The following KHDC1 variants were observed in gnomAD, a reference collection of about 807,000 sequenced individuals.
KHDC1 encodes KH homology domain-containing protein 1.
In KHDC1, 21 loss-of-function variants were observed where a neutral mutation model predicts 24.7. The ratio of observed to expected loss-of-function variants is 0.85; its 90% CI spans 0.60 to 1.23. The LOEUF (loss-of-function observed/expected upper bound fraction) is 1.23, where lower values mean the gene tolerates loss of function less well. Among genes scored for constraint, KHDC1 ranks in the 50% most tolerant of loss-of-function variants. The probability of loss-of-function intolerance (pLI) is 0.00; values close to 1 mark genes in which losing one functional copy is unlikely to be tolerated. For missense variants in KHDC1, 274 were observed against 298.5 expected (o/e 0.92, Z 0.61); for synonymous variants, 98 against 111.7 (o/e 0.88, Z 0.77).
intron 2 of KHDC1, among the ~76,000 whole-genome samples, chr6:73,259,998 G>A (rs1415635946): frequency 6.6e-6 from 1 of 152,102 alleles, no homozygotes; most frequent in African/African-American, 2.4e-5. Context: ...TATCTAAGAT[G>A]CCAATTTCTT....
chr6:73,283,647 T>A (rs933649844), intron 2 of KHDC1, among the ~76,000 whole-genome samples: 2 of 151,424 alleles, frequency 1.3e-5, no homozygotes, highest in African/African-American at 4.8e-5. Context: ...CATTCTTTTT[T>A]TTTTTTTTTT....
chr6:73,261,784 C>T (rs1766984712), intron 2 of KHDC1, among the ~76,000 whole-genome samples: 1 of 151,840 alleles, frequency 6.6e-6, no homozygotes, highest in South Asian at 2.1e-4. Context: ...TGGTGGCAGG[C>T]ACCTGTAATC....
At chr6:73,300,644 G>A (rs1767856666) in intron 1 of KHDC1, 1 of 152,108 alleles carries the variant, frequency 6.6e-6, no homozygotes. Context: ...TTTGTTGAAT[G>A]AAAGACTAGA....
chr6:73,298,521 C>T (rs143863788), intron 1 of KHDC1, among the ~76,000 whole-genome samples: 2,400 of 146,522 alleles, frequency 0.016, 94 homozygotes, highest in African/African-American at 0.057. Flanking sequence ...CAGCAACCTC[C>T]GCCTCCCGGG....
chr6:73,245,740 G>C (rs1766652935), intron 2 of KHDC1, among the ~76,000 whole-genome samples: 1 of 151,980 alleles, frequency 6.6e-6, no homozygotes, highest in Non-Finnish European at 1.5e-5. Context: ...TAACAGTCAC[G>C]GGAAATGTGT....
chr6:73,296,095 T>C (rs1767754340), intron 1 of KHDC1, among the ~76,000 whole-genome samples: 1 of 151,598 alleles, frequency 6.6e-6, no homozygotes, highest in Non-Finnish European at 1.5e-5. Context: ...TGAGCCGAGA[T>C]CGTGCCACTG....
Position 73,296,603 on chromosome 6 carries a change from C to G in KHDC1, c.164-4563G>C, listed in dbSNP as rs116178640. Among the ~76,000 whole-genome samples the G allele has an allele frequency of 1.2e-3, 188 of 152,258 alleles. 1 individual carries two copies. The highest frequency in any genetic ancestry group is 4.3e-3 in the African/African-American group (178 of 41,564). ...AAACTGATTTTATTATACACGTATA[C>G]TTTTTAATTTACATTTGGATTCAAA... On this transcript the variant is annotated intron_variant, in intron 1 of 4. Transcript: ENST00000370384.
chr6:73,291,153 C>G (rs962141092), intron 2 of KHDC1: 2 of 500,270 alleles, frequency 4.0e-6, no homozygotes, highest in Admixed American at 2.1e-5. Context: ...CCCTCTGTGC[C>G]TATTCAGCAG....
At chr6:73,294,295 T>A (rs1767719973) in intron 1 of KHDC1, among the ~76,000 whole-genome samples, 1 of 152,172 alleles carries the variant, frequency 6.6e-6, no homozygotes, top group African/African-American at 2.4e-5. Flanking sequence ...GATAGAAATT[T>A]TTGTTTTCTG....
At chr6:73,271,983 C>T (rs924960032) in intron 2 of KHDC1, among the ~76,000 whole-genome samples, 1 of 150,562 alleles carries the variant, frequency 6.6e-6, no homozygotes, top group Non-Finnish European at 1.5e-5. Flanking sequence ...GAAAAATCAA[C>T]TCTTTATAGT....
intron 2 of KHDC1, among the ~76,000 whole-genome samples, chr6:73,248,246 A>G (rs536362268): frequency 6.6e-6 from 1 of 152,206 alleles, no homozygotes; most frequent in East Asian, 1.9e-4. Flanking sequence ...CATCTCCTGG[A>G]AAATCATTTT....
At chr6:73,307,644 T>C (rs1385316210) in intron 1 of KHDC1, among the ~76,000 whole-genome samples, 2 of 152,070 alleles carry the variant, frequency 1.3e-5, no homozygotes, top group Non-Finnish European at 2.9e-5. Flanking sequence ...CGTCCCTGCC[T>C]GAGATTCCCT....
intron 2 of KHDC1, among the ~76,000 whole-genome samples, chr6:73,289,404 C>T (rs1031669479): frequency 6.8e-6 from 1 of 146,844 alleles, no homozygotes; most frequent in Non-Finnish European, 1.5e-5. Flanking sequence ...AATCCCAGCA[C>T]TTTGGGAGGC....
chr6:73,289,076 G>C (rs746661982), intron 2 of KHDC1, among the ~76,000 whole-genome samples: 33 of 151,958 alleles, frequency 2.2e-4, no homozygotes, highest in Non-Finnish European at 3.7e-4. Context: ...GCTCATGCCT[G>C]TAATATCAGC....
Position 73,285,394 on chromosome 6 carries a change from C to T in KHDC1, c.206+6604G>A, listed in dbSNP as rs187243330. Among the ~76,000 whole-genome samples the T allele has an allele frequency of 3.3e-5, 5 of 151,400 alleles. No homozygotes were observed. The East Asian group carries it at 5.9e-4, about 18-fold the overall frequency. On this transcript the variant is annotated intron_variant, in intron 2 of 4. Coordinates refer to ENST00000370384, the Ensembl canonical transcript of KHDC1. ...TAGCCCAGGCTGGAGTGCAGTGGCA[C>T]GATCTCAGCTCACTGCAACCTCTGC...
chr6:73,278,019 T>G (rs1412979339), intron 2 of KHDC1, among the ~76,000 whole-genome samples: 2 of 143,682 alleles, frequency 1.4e-5, no homozygotes, highest in South Asian at 2.4e-4. Flanking sequence ...GTTTTTTTTT[T>G]TTTTTTTTTT....
chr6:73,247,962 G>A (rs1193924473), intron 2 of KHDC1, among the ~76,000 whole-genome samples: 1 of 152,070 alleles, frequency 6.6e-6, no homozygotes, highest in Non-Finnish European at 1.5e-5. Context: ...AAAGCAGGGT[G>A]CAGCAAGCTA....
chr6:73,260,132 A>G (rs539094982), intron 2 of KHDC1, among the ~76,000 whole-genome samples: 4 of 152,256 alleles, frequency 2.6e-5, no homozygotes, highest in Admixed American at 2.6e-4. Flanking sequence ...AGAGTCCGCT[A>G]TTGTGCCTTT....
intron 2 of KHDC1, among the ~76,000 whole-genome samples, chr6:73,253,417 G>A (rs528798466): frequency 1.4e-4 from 21 of 151,952 alleles, no homozygotes; most frequent in Non-Finnish European, 2.6e-4. Flanking sequence ...GCCAGGTGTG[G>A]TGGCAGGCGC....
Sources: allele counts gnomAD v4.1 joint callset (sites outside exome capture counted in the v4.1 genomes callset), GRCh38; gene constraint gnomAD v4.1.1; transcripts MANE v1.5; gene names NCBI Gene and HGNC (gene_info 2026-07-23, HGNC 2026-07-21).